SSH2: variants seen among roughly 807,000 people sequenced by gnomAD.
SSH2 encodes protein phosphatase Slingshot homolog 2.
A neutral mutation model predicts 135.2 loss-of-function variants in SSH2; 37 were observed. The ratio of observed to expected loss-of-function variants is 0.27; its 90% confidence interval spans 0.21 to 0.36. The LOEUF is 0.36. SSH2 is among the 10% of genes least tolerant of loss of function. The pLI, the probability that SSH2 is intolerant of heterozygous loss-of-function variation, is 1.00. For synonymous variants in SSH2, 628 were observed against 646.2 expected (o/e 0.97, Z 0.43); for missense variants, 1,408 against 1,765.3 (o/e 0.80, Z 3.63).
intron 2 of SSH2, among the ~76,000 whole-genome samples, chr17:29,794,993 C>T (rs2042133368): frequency 6.6e-6 from 1 of 152,188 alleles, no homozygotes; most frequent in Admixed American, 6.5e-5. Flanking sequence ...CACTTTTGCC[C>T]TATCTGGCAA....
chr17:29,829,067 A>G (rs141586360), intron 2 of SSH2, among the ~76,000 whole-genome samples: 5 of 152,316 alleles, frequency 3.3e-5, no homozygotes, highest in African/African-American at 1.2e-4. Flanking sequence ...CATGTGACCC[A>G]TGAATGGAGT....
At chr17:29,664,465 G>A (rs1376193137) in intron 11 of SSH2, among the ~76,000 whole-genome samples, 1 of 151,732 alleles carries the variant, frequency 6.6e-6, no homozygotes, top group African/African-American at 2.4e-5. Context: ...ATGATAATCT[G>A]TTGTCTTCTA....
chr17:29,713,667 C>T (rs1391243902), intron 3 of SSH2, among the ~76,000 whole-genome samples: 1 of 152,136 alleles, frequency 6.6e-6, no homozygotes. Context: ...CTATCCCATT[C>T]CTCCAGGTAG....
At position 29,667,157 on chromosome 17, in the gene SSH2, C is replaced by T. The variant is rs2037312580; in HGVS notation, c.876G>A (p.Lys292=). The T allele has an allele frequency of 1.2e-6, 2 of 1,613,508 alleles. No individual in the cohort carries two copies. Among genetic ancestry groups the T allele is most frequent in the African/African-American group, 2.7e-5 (2 of 74,926 alleles). ...CTTTGGATGTAATATTCTCCAAATC[C>T]TTCTGCATCATGATCTCCCTTAATT... ...KTKLREIMMQ[K]DLENITSKEI... The change falls in exon 10 of 16, where the codon AAG becomes AAA. Residue 292 remains lysine (K), a synonymous_variant. Coordinates refer to ENST00000540801, the MANE Select transcript of SSH2 (RefSeq NM_001282129.2).
At chr17:29,831,808 G>T (rs1208456189) in intron 2 of SSH2, among the ~76,000 whole-genome samples, 1 of 152,026 alleles carries the variant, frequency 6.6e-6, no homozygotes, top group African/African-American at 2.4e-5. Context: ...CCAACTCCTG[G>T]CCTCAGGTGA....
At chr17:29,769,605 G>T (rs539295555) in intron 3 of SSH2, among the ~76,000 whole-genome samples, 1 of 152,192 alleles carries the variant, frequency 6.6e-6, no homozygotes, top group Admixed American at 6.5e-5. Context: ...TAATGTATTT[G>T]TGAATGATGA....
chr17:29,859,695 G>A (rs1288096380), intron 1 of SSH2, among the ~76,000 whole-genome samples: 1 of 152,034 alleles, frequency 6.6e-6, no homozygotes, highest in South Asian at 2.1e-4. Flanking sequence ...GTCTATCATC[G>A]ATGGGCATTT....
In SSH2 at chr17:29,874,524, A is replaced by G. The variant is rs149791741; in HGVS notation, c.64-25595T>C. Among the ~76,000 whole-genome samples, 252 of 152,208 alleles carry G rather than the reference A, an allele frequency of 1.7e-3. 1 individual carries two copies. The highest frequency in any genetic ancestry group is 5.9e-3 in the African/African-American group (244 of 41,510). On this transcript the variant is annotated intron_variant, in intron 1 of 15. Coordinates refer to ENST00000540801, the MANE Select transcript of SSH2 (RefSeq NM_001282129.2). ...TTCTCATGATAGTGAGTGAGTTCTC[A>G]TGAGATCTGATGGTTTTATAGGGGG...
chr17:29,722,629 CAAT>C (rs2039861195), intron 3 of SSH2, among the ~76,000 whole-genome samples: 1 of 152,122 alleles, frequency 6.6e-6, no homozygotes, highest in Non-Finnish European at 1.5e-5. Context: ...AAACAGCTAT[CAAT>C]AAGGATAGTA....
intron 14 of SSH2, 63 bp downstream of exon 14, chr17:29,648,081 G>C: frequency 6.9e-7 from 1 of 1,456,382 alleles, no homozygotes. Context: ...TACAGAGAAG[G>C]ACACTTCATC....
chr17:29,756,235 C>T (rs893397389), intron 3 of SSH2, among the ~76,000 whole-genome samples: 1 of 150,274 alleles, frequency 6.7e-6, no homozygotes, highest in African/African-American at 2.4e-5. Flanking sequence ...ATCACTCCAG[C>T]CTGGGCAACA....
In SSH2 at chr17:29,626,720, G is replaced by A. The variant is rs1490977963; in HGVS notation, c.*4121C>T. 1 of 152,662 alleles carries A rather than the reference G, an allele frequency of 6.6e-6. No homozygotes were observed. Among genetic ancestry groups the A allele is most frequent in the East Asian group, 1.9e-4 (1 of 5,196 alleles). 9.5% of individuals were successfully genotyped at this position (152,662 alleles called of 1,614,324 possible). The stretch of plus-strand genomic sequence containing the variant: ...ACACCCTGGGAGAAGGGTTAGGAGT[G>A]TGCAGCTTCCTGCTTTGGTGGCAGG... On this transcript the variant is annotated 3_prime_UTR_variant, in exon 16 of 16. Transcript: ENST00000540801.
At chr17:29,641,860 TC>T (rs1046729333) in intron 14 of SSH2, among the ~76,000 whole-genome samples, 1 of 151,432 alleles carries the variant, frequency 6.6e-6, no homozygotes, top group Admixed American at 6.6e-5. Context: ...ATCTAGCTAC[TC>T]AGGAGGCTAA....
chr17:29,682,315 A>G (rs956293684), intron 6 of SSH2, among the ~76,000 whole-genome samples: 8 of 152,200 alleles, frequency 5.3e-5, no homozygotes, highest in African/African-American at 1.7e-4. Flanking sequence ...AGAACTGAAC[A>G]AAGGAAATAT....
At position 29,636,590 on chromosome 17, in the gene SSH2, C is replaced by T; in HGVS notation, c.1640G>A (p.Gly547Asp). ...GATCATTCTTTCTTTGGTACACAGG[C>T]CTTTCTGATTTGCATCTTGTGGGAC... ...HMVPQDANQK[G>D]LCTKERMICL... The change falls in exon 15 of 16, where the codon GGC becomes GAC. Residue 547 changes from glycine (G) to aspartate (D), a missense_variant. Gly to Asp is a moderately conservative substitution (Grantham distance 94). Around this residue, in one of 3 missense-constraint regions of SSH2, gnomAD observed 1,080 missense variants for 1,144.5 expected, o/e 0.94. Coordinates refer to ENST00000540801, the MANE Select transcript of SSH2 (RefSeq NM_001282129.2). The T allele has an allele frequency of 6.2e-7, 1 of 1,614,130 alleles. No individual in the cohort carries two copies. Among genetic ancestry groups the T allele is most frequent in the Non-Finnish European group, 8.5e-7 (1 of 1,180,014 alleles).
intron 1 of SSH2, among the ~76,000 whole-genome samples, chr17:29,849,871 T>C (rs2065521621): frequency 7.2e-6 from 1 of 138,384 alleles, no homozygotes. Context: ...TATATATATA[T>C]ATATATATAT....
chr17:29,726,264 G>A (rs1404555236), intron 3 of SSH2, among the ~76,000 whole-genome samples: 2 of 152,136 alleles, frequency 1.3e-5, no homozygotes, highest in African/African-American at 2.4e-5. Context: ...TCAGGCAGGG[G>A]GAGCAGCATG....
intron 3 of SSH2, among the ~76,000 whole-genome samples, chr17:29,709,322 T>A (rs2039350396): frequency 6.6e-6 from 1 of 152,112 alleles, no homozygotes; most frequent in South Asian, 2.1e-4. Flanking sequence ...ATGATATAGT[T>A]TATGGCGGAC....
chr17:29,631,902 G>A lies in SSH2; in HGVS notation c.3292C>T (p.Leu1098=), dbSNP rs1385947420. 9 of 1,614,116 alleles carry A rather than the reference G, an allele frequency of 5.6e-6. No homozygotes were observed. In the South Asian group the frequency reaches 7.7e-5, roughly 14 times the overall value. Residue 1098 remains leucine (L), a synonymous_variant, in exon 16 of 16, where the codon CTG becomes TTG. Transcript: ENST00000540801. ...NRTLDPNQVS[L]HPQVLPLPHS... ...GGCAGAGGTAGCACTTGGGGGTGCA[G>A]AGAAACCTGGTTGGGGTCCAGAGTC...
Sources: allele counts gnomAD v4.1 joint callset (sites outside exome capture counted in the v4.1 genomes callset), GRCh38; gene constraint gnomAD v4.1.1; regional missense constraint gnomAD v4.1.1; transcripts MANE v1.5; gene names NCBI Gene and HGNC (gene_info 2026-07-23, HGNC 2026-07-21).